FBXL17: variants seen among roughly 807,000 people sequenced by gnomAD.
FBXL17 encodes the protein F-box and leucine rich repeat protein 17.
Under a neutral mutation model 66.2 loss-of-function variants are expected in FBXL17, and 22 were observed. The ratio of observed to expected loss-of-function variants is 0.33; its 90% CI spans 0.24 to 0.47. The LOEUF is 0.47. FBXL17 is among the 20% of genes least tolerant of loss of function. The pLI is 1.00. For synonymous variants in FBXL17, 474 were observed against 400.5 expected, an observed-to-expected ratio of 1.18 and a Z score of -2.19; for missense variants, 878 against 948.2, an observed-to-expected ratio of 0.93 and a Z score of 0.97.
intron 5 of FBXL17, among the ~76,000 whole-genome samples, chr5:108,218,754 C>T (rs533200869): frequency 5.3e-5 from 8 of 152,210 alleles, no homozygotes; most frequent in Admixed American, 3.3e-4. Context: ...TATTTGGGTA[C>T]TTTGCCCAGT....
chr5:107,984,212 C>T (rs1265881980), intron 7 of FBXL17, among the ~76,000 whole-genome samples: 4 of 151,984 alleles, frequency 2.6e-5, no homozygotes, highest in Non-Finnish European at 5.9e-5. Context: ...AGTAACTTCC[C>T]ACAGCTGTTA....
intron 6 of FBXL17, among the ~76,000 whole-genome samples, chr5:108,078,002 C>T (rs186499121): frequency 3.2e-3 from 487 of 152,236 alleles, no homozygotes; most frequent in Non-Finnish European, 5.0e-3. Context: ...CACTTAAACA[C>T]CTGATTAAAA....
chr5:108,346,979 T>G lies in FBXL17; in HGVS notation c.1506+1420A>C, dbSNP rs568109330. 8.5e-5 allele frequency among the ~76,000 whole-genome samples: 13 copies of G among 152,334 alleles called. No homozygotes were observed. In the South Asian group the frequency reaches 2.5e-3, roughly 29 times the overall value. ...GGCAATAAAAAGATCTCTTCATTTT[T>G]GAAATACAACTAAAAAAGCAAGTCT... On this transcript the variant is annotated intron_variant, in intron 4 of 8. Transcript: ENST00000542267.
Position 107,901,298 on chromosome 5 carries a change from C to T in FBXL17, c.1823-20119G>A, listed in dbSNP as rs914616146. 3.9e-5 allele frequency among the ~76,000 whole-genome samples: 6 copies of T among 152,216 alleles called. No homozygotes were observed. The South Asian group carries it at 6.2e-4, about 16-fold the overall frequency. On this transcript the variant is annotated intron_variant, in intron 7 of 8. Coordinates refer to ENST00000542267, the MANE Select transcript of FBXL17 (RefSeq NM_001163315.3). ...TTTGTGGGTCAAAAATTGTTAAATA[C>T]GGACAATTTCAAATGGCTCAGCTTA...
At chr5:108,221,621 C>T (rs939931814) in intron 5 of FBXL17, among the ~76,000 whole-genome samples, 1 of 152,094 alleles carries the variant, frequency 6.6e-6, no homozygotes, top group Non-Finnish European at 1.5e-5. Context: ...TAACTCTTAA[C>T]ACTCTATATC....
At chr5:108,332,091 T>C (rs906925242) in intron 4 of FBXL17, among the ~76,000 whole-genome samples, 4 of 152,108 alleles carry the variant, frequency 2.6e-5, no homozygotes, top group Non-Finnish European at 4.4e-5. Context: ...TGTAACAAAA[T>C]GGAAAGAATG....
intron 1 of FBXL17, among the ~76,000 whole-genome samples, chr5:108,375,832 C>A (rs1330665220): frequency 6.6e-6 from 1 of 152,058 alleles, no homozygotes; most frequent in Non-Finnish European, 1.5e-5. Context: ...AAACTACAGA[C>A]CAATGTCCCT....
At chr5:108,362,897 T>A (rs1052776491) in intron 3 of FBXL17, among the ~76,000 whole-genome samples, 1 of 152,058 alleles carries the variant, frequency 6.6e-6, no homozygotes, top group African/African-American at 2.4e-5. Context: ...CATTTCTCAA[T>A]TTTTACTGAC....
intron 8 of FBXL17, among the ~76,000 whole-genome samples, chr5:107,862,162 CTAGTGCTTGGGAGG>C (rs1482818534): frequency 7.9e-5 from 12 of 152,006 alleles, no homozygotes; most frequent in Non-Finnish European, 1.8e-4. Flanking sequence ...CATTGAAAAT[CTAGTGCTTGGGAGG>C]TAAAGAAGCA....
At chr5:108,276,005 T>G (rs1002215560) in intron 4 of FBXL17, among the ~76,000 whole-genome samples, 2 of 152,134 alleles carry the variant, frequency 1.3e-5, no homozygotes, top group African/African-American at 4.8e-5. Context: ...TGCATAAAAT[T>G]TTTAACACTG....
intron 6 of FBXL17, among the ~76,000 whole-genome samples, chr5:108,145,217 G>C (rs1437013194): frequency 1.3e-5 from 2 of 152,128 alleles, no homozygotes; most frequent in East Asian, 3.9e-4. Flanking sequence ...TTACTGGTCA[G>C]ATAATTTTCT....
intron 6 of FBXL17, among the ~76,000 whole-genome samples, chr5:108,172,974 T>A (rs1262920400): frequency 1.3e-5 from 2 of 151,892 alleles, no homozygotes; most frequent in African/African-American, 4.8e-5. Context: ...TAATTTTGTA[T>A]TTTTTTAGTA....
chr5:108,093,531 T>A lies in FBXL17; in HGVS notation c.1746-72530A>T, dbSNP rs1274732481. Reference sequence around the variant, plus strand: ...AACTGCTCTTGAAAAGCTGAAAAGGTAATTTACACTACTAGATATTCCCTA... The same window carrying A: ...AACTGCTCTTGAAAAGCTGAAAAGGAAATTTACACTACTAGATATTCCCTA... On this transcript the variant is annotated intron_variant, in intron 6 of 8. Transcript: ENST00000542267. Among the ~76,000 whole-genome samples the A allele has an allele frequency of 2.0e-5, 3 of 152,316 alleles. No homozygotes were observed. In the East Asian group the frequency reaches 5.8e-4, roughly 29 times the overall value.
intron 6 of FBXL17, among the ~76,000 whole-genome samples, chr5:108,063,930 T>C (rs1748019842): frequency 6.6e-6 from 1 of 152,192 alleles, no homozygotes; most frequent in African/African-American, 2.4e-5. Context: ...ATATTATCTC[T>C]TGGAGATAAA....
At chr5:107,863,388 G>A (rs987538483) in intron 8 of FBXL17, among the ~76,000 whole-genome samples, 1 of 151,200 alleles carries the variant, frequency 6.6e-6, no homozygotes, top group Non-Finnish European at 1.5e-5. Context: ...ACACATCCCT[G>A]GAATACTTTT....
intron 6 of FBXL17, among the ~76,000 whole-genome samples, chr5:108,086,828 T>C (rs1468748110): frequency 6.6e-6 from 1 of 152,120 alleles, no homozygotes; most frequent in Non-Finnish European, 1.5e-5. Flanking sequence ...CCCAAAGTGC[T>C]GGGATTACAG....
At chr5:107,963,762 G>A (rs1201297224) in intron 7 of FBXL17, among the ~76,000 whole-genome samples, 2 of 152,048 alleles carry the variant, frequency 1.3e-5, no homozygotes, top group Non-Finnish European at 2.9e-5. Flanking sequence ...AGCTCTGGGA[G>A]CATGGAAAAT....
chr5:108,381,839 C>A lies in FBXL17; in HGVS notation c.-148G>T. 1 of 1,290,960 alleles carries A rather than the reference C, an allele frequency of 7.7e-7. No individual in the cohort carries two copies. The highest frequency in any genetic ancestry group is 9.8e-7 in the Non-Finnish European group (1 of 1,019,530). The allele number at this position is 1,290,960 out of a possible 1,614,324, so 80.0% of individuals were successfully genotyped here. On this transcript the variant is annotated 5_prime_UTR_variant, in exon 1 of 9. Coordinates refer to ENST00000542267, the MANE Select transcript of FBXL17 (RefSeq NM_001163315.3). ...ACACACGCACACACGGGCACACACG[C>A]GACGGTGGGGGGTGGGCGTCAGCTG...
At chr5:107,931,255 G>T (rs367970137) in intron 7 of FBXL17, among the ~76,000 whole-genome samples, 4,953 of 109,212 alleles carry the variant, frequency 0.045, 108 homozygotes, top group Non-Finnish European at 0.053. Flanking sequence ...ATGTTAAAGA[G>T]AATTTTTTTT....
Sources: allele counts gnomAD v4.1 joint callset (sites outside exome capture counted in the v4.1 genomes callset), GRCh38; gene constraint gnomAD v4.1.1; transcripts MANE v1.5; gene names NCBI Gene and HGNC (gene_info 2026-07-23, HGNC 2026-07-21).